The following SVIL variants were observed in gnomAD, a reference collection of about 807,000 sequenced individuals.
SVIL encodes the protein archvillin.
Under a neutral mutation model 240.4 loss-of-function variants are expected in SVIL, and 101 were observed. The observed-to-expected ratio is 0.42, with a 90% CI of 0.36 to 0.50. SVIL has a LOEUF of 0.50. SVIL is among the 20% of genes least tolerant of loss of function. The pLI, the probability that SVIL is intolerant of heterozygous loss-of-function variation, is 0.01. For synonymous variants in SVIL, 999 were observed against 1,100.0 expected, an observed-to-expected ratio of 0.91 and a Z score of 1.82; for missense variants, 2,512 against 2,818.7, an observed-to-expected ratio of 0.89 and a Z score of 2.46.
chr10:29,655,322 C>T (rs1341584837), intron 3 of SVIL, among the ~76,000 whole-genome samples: 1 of 152,088 alleles, frequency 6.6e-6, no homozygotes, highest in East Asian at 2.0e-4. Flanking sequence ...GCCCTAGACC[C>T]CCCGGCAAGC....
intron 36 of SVIL, among the ~76,000 whole-genome samples, chr10:29,462,033 T>C (rs182276557): frequency 3.2e-3 from 493 of 152,348 alleles, no homozygotes; most frequent in African/African-American, 0.011. Context: ...ATGATTCAAC[T>C]CACCTTTGCT....
intron 1 of SVIL, among the ~76,000 whole-genome samples, chr10:29,731,068 G>A (rs563525951): frequency 6.6e-5 from 10 of 152,270 alleles, no homozygotes; most frequent in South Asian, 2.1e-4. Context: ...TCTGCTCCTC[G>A]ATTCTTACTG....
intron 29 of SVIL, among the ~76,000 whole-genome samples, chr10:29,477,072 C>T (rs1158860849): frequency 6.6e-6 from 1 of 152,044 alleles, no homozygotes; most frequent in Non-Finnish European, 1.5e-5. Flanking sequence ...ACCATGTTGG[C>T]CAGGATAGTC....
chr10:29,498,974 C>T (rs1007656330), intron 18 of SVIL, 142 bp downstream of exon 18: 38 of 1,242,230 alleles, frequency 3.1e-5, no homozygotes, highest in Non-Finnish European at 3.7e-5. Flanking sequence ...GAGCAAGACC[C>T]TGTCTCTTAG....
At chr10:29,477,429 C>G (rs1329416697) in intron 29 of SVIL, among the ~76,000 whole-genome samples, 1 of 152,172 alleles carries the variant, frequency 6.6e-6, no homozygotes, top group Admixed American at 6.5e-5. Context: ...GAGTGAGCAA[C>G]CCTACCCTGC....
In SVIL at chr10:29,625,777, G is replaced by T. The variant is rs184538502; in HGVS notation, c.-201+8643C>A. On this transcript the variant is annotated intron_variant, in intron 1 of 37. Coordinates refer to ENST00000355867, the MANE Select transcript of SVIL (RefSeq NM_021738.3). ...ACGCCCAGCCTCAAACATATATTTT[G>T]AAATGCGTATAAGCTTTATCAGTAT... Among the ~76,000 whole-genome samples the T allele has an allele frequency of 1.9e-3, 296 of 152,258 alleles. 3 individuals carry two copies. Among genetic ancestry groups the T allele is most frequent in the African/African-American group, 6.8e-3 (282 of 41,564 alleles).
intron 3 of SVIL, among the ~76,000 whole-genome samples, chr10:29,641,363 G>C (rs1345815197): frequency 1.3e-5 from 2 of 152,176 alleles, no homozygotes; most frequent in African/African-American, 2.4e-5. Flanking sequence ...CTGAGGTCAG[G>C]AGTTTGTGAC....
chr10:29,661,959 C>T (rs992211895), intron 2 of SVIL, among the ~76,000 whole-genome samples: 8 of 152,082 alleles, frequency 5.3e-5, no homozygotes, highest in East Asian at 3.9e-4. Context: ...CCACCATGCC[C>T]GGCCCCAGTG....
chr10:29,544,409 G>A (rs1430686135), intron 6 of SVIL, among the ~76,000 whole-genome samples: 1 of 152,136 alleles, frequency 6.6e-6, no homozygotes, highest in East Asian at 1.9e-4. Context: ...TTTTTAGCTA[G>A]TGTACATAGT....
intron 1 of SVIL, among the ~76,000 whole-genome samples, chr10:29,711,370 A>G (rs1963266566): frequency 6.6e-6 from 1 of 152,200 alleles, no homozygotes; most frequent in African/African-American, 2.4e-5. Flanking sequence ...ACTGCACTCC[A>G]GCCTGGGTGA....
intron 1 of SVIL, among the ~76,000 whole-genome samples, chr10:29,617,148 C>T (rs148157708): frequency 1.3e-3 from 195 of 152,284 alleles, no homozygotes; most frequent in African/African-American, 4.5e-3. Flanking sequence ...TTGTTCATCC[C>T]TTGAAGCCCA....
intron 7 of SVIL, among the ~76,000 whole-genome samples, chr10:29,535,455 G>A (rs1042559155): frequency 1.3e-5 from 2 of 152,116 alleles, no homozygotes; most frequent in Non-Finnish European, 2.9e-5. Flanking sequence ...GACTCCTTCC[G>A]CCTCTCCCTG....
At chr10:29,691,484 TA>T (rs1206185596) in intron 1 of SVIL, among the ~76,000 whole-genome samples, 1 of 152,210 alleles carries the variant, frequency 6.6e-6, no homozygotes, top group African/African-American at 2.4e-5. Context: ...GTGCTGGGAT[TA>T]CAGGCGTGAG....
chr10:29,728,885 A>G (rs184723820), intron 1 of SVIL, among the ~76,000 whole-genome samples: 1 of 152,236 alleles, frequency 6.6e-6, no homozygotes, highest in East Asian at 1.9e-4. Context: ...TCCAAGGCAA[A>G]TGTGTCCCTA....
At chr10:29,466,538 G>A (rs1456815642) in intron 33 of SVIL, among the ~76,000 whole-genome samples, 3 of 152,062 alleles carry the variant, frequency 2.0e-5, no homozygotes, top group African/African-American at 7.2e-5. Context: ...TGAATGTATA[G>A]GATTATTTTA....
chr10:29,467,814 C>T lies in SVIL; in HGVS notation c.5905G>A (p.Gly1969Ser). ...SKVTIHECDE[G>S]SEPLGFWDAL... ...TCCCAGAATCCGAGTGGCTCGGAGC[C>T]TTCATCACACTCGTGTATTGTGACT... The change falls in exon 33 of 38, where the codon GGC (glycine) becomes AGC (serine). Residue 1969 changes from glycine to serine, a missense_variant. Around this residue, in one of 3 missense-constraint regions of SVIL, gnomAD observed 797 missense variants for 925.3 expected, o/e 0.86. Coordinates refer to ENST00000355867, the MANE Select transcript of SVIL (RefSeq NM_021738.3). 6.2e-7 allele frequency: 1 copy of T among 1,614,214 alleles called. No individual in the cohort carries two copies.
At chr10:29,722,120 T>A (rs1485251373) in intron 1 of SVIL, among the ~76,000 whole-genome samples, 1 of 151,466 alleles carries the variant, frequency 6.6e-6, no homozygotes, top group Non-Finnish European at 1.5e-5. Flanking sequence ...CATCTGTAAT[T>A]CCAGCTACTG....
chr10:29,561,270 G>C (rs1333708291), intron 3 of SVIL, among the ~76,000 whole-genome samples: 1 of 151,936 alleles, frequency 6.6e-6, no homozygotes, highest in African/African-American at 2.4e-5. Context: ...AATACAACTG[G>C]CTAATAAGCT....
upstream of SVIL, among the ~76,000 whole-genome samples, chr10:29,635,245 TA>T (rs1049448208): frequency 6.6e-6 from 1 of 152,022 alleles, no homozygotes; most frequent in African/African-American, 2.4e-5. Flanking sequence ...TTTTTTAGGC[TA>T]AAAAAAGAGC....
Sources: gnomAD v4.1 joint callset for allele counts (sites outside exome capture counted in the v4.1 genomes callset) on GRCh38, gnomAD v4.1.1 for gene constraint, gnomAD v4.1.1 regional missense constraint, MANE v1.5 for transcripts, NCBI Gene and HGNC (gene_info 2026-07-23, HGNC 2026-07-21) for gene names.